The following ZBTB41 variants were observed in gnomAD, a reference collection of about 807,000 sequenced individuals.
ZBTB41 encodes zinc finger and BTB domain containing 41, also known as zinc finger and BTB domain-containing protein 41.
A neutral mutation model predicts 87.6 loss-of-function variants in ZBTB41; 42 were observed. That is an observed-to-expected ratio of 0.48 (90% CI 0.37 to 0.62). The LOEUF is 0.62. Ranked by LOEUF, ZBTB41 falls within the 20% of genes least tolerant of loss-of-function variation. The pLI, the probability that ZBTB41 is intolerant of heterozygous loss-of-function variation, is 0.00. For missense variants in ZBTB41, 799 were observed against 1,078.9 expected, an observed-to-expected ratio of 0.74 and a Z score of 3.63; for synonymous variants, 364 against 364.0, an observed-to-expected ratio of 1.00 and a Z score of 0.00.
intron 7 of ZBTB41, 137 bp from the exon 8 acceptor site, chr1:197,176,807 A>C: frequency 1.5e-6 from 1 of 649,590 alleles, no homozygotes. Flanking sequence ...CTTTATTTCT[A>C]TGACTTTCAG....
intron 1 of ZBTB41, 76 bp from the exon 2 acceptor site, chr1:197,200,666 G>A (rs1652734928): frequency 6.4e-6 from 3 of 466,208 alleles, no homozygotes; most frequent in Non-Finnish European, 7.4e-6. Context: ...AATCATCAAC[G>A]AATTCTTTCT....
rs796241113 is a variant in ZBTB41 at position 197,155,326 on chromosome 1, G to A, written c.*4033C>T. ...TAAAGCAACCTAAAAAAAAAAAGTT[G>A]CCCAACCAGCAGGCAACACAATCAT... On this transcript the variant is annotated 3_prime_UTR_variant, in exon 11 of 11. Transcript: ENST00000367405. The A allele has an allele frequency of 1.3e-5, 2 of 150,930 alleles. No homozygotes were observed. Among genetic ancestry groups the A allele is most frequent in the African/African-American group, 4.9e-5 (2 of 41,116 alleles). 9.3% of individuals were successfully genotyped at this position (150,930 alleles called of 1,614,324 possible). A position where few individuals can be genotyped will look rare whatever the true frequency, so the allele number is the denominator to read the frequency against.
intron 4 of ZBTB41, 22 bp downstream of exon 4, chr1:197,190,740 T>C (rs758774924): frequency 6.7e-7 from 1 of 1,503,748 alleles, no homozygotes; most frequent in South Asian, 1.2e-5. Flanking sequence ...TTTTCTAATT[T>C]GTTTTAATTA....
chr1:197,199,556 T>G lies in ZBTB41; in HGVS notation c.918A>C (p.Glu306Asp), dbSNP rs1036950575. The change falls in exon 2 of 11, where the codon GAA (glutamate) becomes GAC (aspartate). Residue 306 changes from glutamate (E) to aspartate (D), a missense_variant. By Grantham distance (45) the Glu-to-Asp change is conservative (BLOSUM62 2). This residue lies in a region of ZBTB41 where 294 missense variants were observed against 340.1 expected (regional missense o/e 0.86). Coordinates refer to ENST00000367405, the MANE Select transcript of ZBTB41 (RefSeq NM_194314.3). ...CTGACATCTCCTCCTCTAGCTCATC[T>G]TCTTCAGCATTATATTCACTTCCAG... ...EDPGSEYNAE[E>D]DELEEEMSDE... 9 of 1,607,402 alleles carry G rather than the reference T, an allele frequency of 5.6e-6. No individual in the cohort carries two copies. The highest frequency in any genetic ancestry group is 6.8e-6 in the Non-Finnish European group (8 of 1,178,054).
chr1:197,176,387 A>T (rs1340598466), intron 8 of ZBTB41, among the ~76,000 whole-genome samples, 177 bp downstream of exon 8: 2 of 152,078 alleles, frequency 1.3e-5, no homozygotes, highest in Non-Finnish European at 2.9e-5. Context: ...ATATGTCATA[A>T]ACTTATGTCC....
At chr1:197,193,817 C>T (rs541487960) in intron 2 of ZBTB41, among the ~76,000 whole-genome samples, 17 of 152,270 alleles carry the variant, frequency 1.1e-4, no homozygotes, top group African/African-American at 3.9e-4. Context: ...TCATTTTTAA[C>T]TCACCTTTTA....
chr1:197,166,316 T>A (rs1001576850), intron 10 of ZBTB41, among the ~76,000 whole-genome samples: 1 of 152,046 alleles, frequency 6.6e-6, no homozygotes. Context: ...AAAAGCTTAA[T>A]GAAATCAATA....
intron 10 of ZBTB41, among the ~76,000 whole-genome samples, chr1:197,170,707 T>C (rs1039379120): frequency 7.9e-5 from 12 of 152,134 alleles, no homozygotes; most frequent in African/African-American, 1.4e-4. Flanking sequence ...AGTTGGTAAA[T>C]AGAGTTTTAT....
chr1:197,172,443 C>T (rs957670458), intron 9 of ZBTB41, among the ~76,000 whole-genome samples, 195 bp from the exon 10 acceptor site: 9 of 151,940 alleles, frequency 5.9e-5, no homozygotes, highest in African/African-American at 1.9e-4. Context: ...ATATGTTGAG[C>T]TTGCCTCTGG....
chr1:197,190,432 C>T (rs1451312652), intron 4 of ZBTB41, among the ~76,000 whole-genome samples: 1 of 152,188 alleles, frequency 6.6e-6, no homozygotes, highest in Non-Finnish European at 1.5e-5. Context: ...ATTATGTTAA[C>T]ACCACATACC....
At position 197,175,014 on chromosome 1, in the gene ZBTB41, G is replaced by A; in HGVS notation, c.1981C>T (p.Gln661Ter). ...ACATTTTGCTTTTTCACTTACTTTTGCCACACTTTCTCTCCAAGGTGTACG... is the reference window on the plus strand; with the variant it reads ...ACATTTTGCTTTTTCACTTACTTTTACCACACTTTCTCTCCAAGGTGTACG... The part of the protein sequence containing the change: ...KSVHLGEKVW[Q>*]KYKATFHQCD... The change falls in exon 9 of 11, where the codon CAA becomes TAA. Residue 661 changes from glutamine to a stop codon, truncating the protein, a stop_gained. Transcript: ENST00000367405. LOFTEE classifies it high-confidence loss of function. 1.2e-6 allele frequency: 2 copies of A among 1,606,806 alleles called. No homozygotes were observed. The highest frequency in any genetic ancestry group is 1.7e-6 in the Non-Finnish European group (2 of 1,176,358).
At chr1:197,190,705 C>T in intron 4 of ZBTB41, 57 bp downstream of exon 4, 2 of 1,099,814 alleles carry the variant, frequency 1.8e-6, no homozygotes, top group Non-Finnish European at 2.7e-6. Flanking sequence ...CTTTACTTCC[C>T]CAAAAGACGT....
chr1:197,199,726 C>T lies in ZBTB41; in HGVS notation c.748G>A (p.Ala250Thr), dbSNP rs1458266783. 5.0e-6 allele frequency: 8 copies of T among 1,613,272 alleles called. No homozygotes were observed. The highest frequency in any genetic ancestry group is 1.6e-4 in the Middle Eastern group (1 of 6,084). ...GLKMLERSFS[A>T]RRSKRNRKCP... ...TTCCGATTCCTTTTTGATCTTCTTG[C>T]GGAGAAACTTCTCTCCAGCATTTTT... The change falls in exon 2 of 11, where the codon GCA becomes ACA. Residue 250 changes from alanine (A) to threonine (T), a missense_variant. Transcript: ENST00000367405.
chr1:197,166,703 C>T (rs891357108), intron 10 of ZBTB41, among the ~76,000 whole-genome samples: 3 of 150,790 alleles, frequency 2.0e-5, no homozygotes, highest in Non-Finnish European at 3.0e-5. Context: ...AAAAATTAGC[C>T]GGGTGTGGAG....
intron 2 of ZBTB41, among the ~76,000 whole-genome samples, chr1:197,197,367 A>G (rs569325058): frequency 6.6e-6 from 1 of 152,196 alleles, no homozygotes; most frequent in East Asian, 1.9e-4. Context: ...AATAGAGATG[A>G]GAAACTACTG....
At chr1:197,164,221 C>G (rs1659263855) in intron 10 of ZBTB41, among the ~76,000 whole-genome samples, 1 of 151,888 alleles carries the variant, frequency 6.6e-6, no homozygotes, top group South Asian at 2.1e-4. Flanking sequence ...TAGACTGTAA[C>G]AATTTCAGAA....
intron 10 of ZBTB41, among the ~76,000 whole-genome samples, chr1:197,161,988 A>C (rs1004027753): frequency 1.3e-5 from 2 of 152,138 alleles, no homozygotes; most frequent in African/African-American, 4.8e-5. Flanking sequence ...ATTTTCATTA[A>C]AAAAGTTTTA....
chr1:197,174,219 G>A (rs1659544773), intron 9 of ZBTB41, among the ~76,000 whole-genome samples: 1 of 152,128 alleles, frequency 6.6e-6, no homozygotes, highest in Non-Finnish European at 1.5e-5. Context: ...AACTGAAGCA[G>A]AGATGTCAGT....
Position 197,199,806 on chromosome 1 carries a change from T to G in ZBTB41, c.668A>C (p.Glu223Ala), listed in dbSNP as rs775976299. ...CCTATGGGTTTTAGCCAAATGATTC[T>G]CTAAAGACTTTTTATAACAAAAATG... ...SRHFCYKKSL[E>A]NHLAKTHRSL... is the part of the protein sequence containing the mutation. The change falls in exon 2 of 11, where the codon GAG becomes GCG. Residue 223 changes from glutamate to alanine, a missense_variant. Physicochemically the swap from Glu to Ala is moderately radical, Grantham distance 107. Transcript: ENST00000367405. 6 of 1,611,506 alleles carry G rather than the reference T, an allele frequency of 3.7e-6. No homozygotes were observed. The South Asian group carries it at 6.6e-5, about 18-fold the overall frequency.
Sources: gnomAD v4.1 joint callset for allele counts (sites outside exome capture counted in the v4.1 genomes callset) on GRCh38, gnomAD v4.1.1 for gene constraint, gnomAD v4.1.1 regional missense constraint, MANE v1.5 for transcripts, NCBI Gene and HGNC (gene_info 2026-07-23, HGNC 2026-07-21) for gene names.